The following SLX4IP variants were observed in gnomAD, a reference collection of about 807,000 sequenced individuals.
SLX4IP encodes protein SLX4IP.
A neutral mutation model predicts 32.9 loss-of-function variants in SLX4IP; 34 were observed. The ratio of observed to expected loss-of-function variants is 1.03; its 90% CI spans 0.79 to 1.38. The LOEUF (loss-of-function observed/expected upper bound fraction) is 1.38. SLX4IP is among the 40% of genes most tolerant of loss of function. The pLI is 0.00. For missense variants in SLX4IP, 444 were observed against 479.0 expected (o/e 0.93, Z 0.68); for synonymous variants, 172 against 171.7 (o/e 1.00, Z -0.01).
At chr20:10,601,930 A>G (rs193118823) in intron 6 of SLX4IP, 111 bp downstream of exon 6, 5 of 885,254 alleles carry the variant, frequency 5.6e-6, no homozygotes, top group East Asian at 2.7e-5. Flanking sequence ...TGAGCACCCA[A>G]CGCATGTTTT....
chr20:10,487,182 C>T (rs1248200275), intron 2 of SLX4IP, among the ~76,000 whole-genome samples: 1 of 152,152 alleles, frequency 6.6e-6, no homozygotes, highest in Non-Finnish European at 1.5e-5. Flanking sequence ...TCTAGTCCTG[C>T]TCAGCTCTTA....
chr20:10,440,060 A>G (rs1351326435), intron 1 of SLX4IP, among the ~76,000 whole-genome samples: 1 of 152,098 alleles, frequency 6.6e-6, no homozygotes, highest in Non-Finnish European at 1.5e-5. Flanking sequence ...TATATAGAAT[A>G]TGGCTATTAC....
chr20:10,617,670 T>TC (rs35734332), intron 6 of SLX4IP, among the ~76,000 whole-genome samples: 106 of 149,648 alleles, frequency 7.1e-4, no homozygotes, highest in African/African-American at 2.5e-3. Context: ...TTTTTTTTTT[T>TC]CAAAGCATTA....
intron 2 of SLX4IP, among the ~76,000 whole-genome samples, chr20:10,515,078 G>GTTTTTTTTT (rs1568718042): frequency 8.8e-6 from 1 of 113,472 alleles, no homozygotes; most frequent in Non-Finnish European, 1.9e-5. Context: ...GTAAGTTGAA[G>GTTTTTTTTT]CTTTTTTTTT....
intron 5 of SLX4IP, among the ~76,000 whole-genome samples, chr20:10,600,052 AG>A (rs966346953): frequency 7.9e-5 from 12 of 151,362 alleles, no homozygotes; most frequent in Admixed American, 2.0e-4. Flanking sequence ...TGATTTTTTT[AG>A]GGGGGGGAGG....
chr20:10,525,480 T>C (rs948373367), intron 2 of SLX4IP, among the ~76,000 whole-genome samples: 6 of 152,218 alleles, frequency 3.9e-5, no homozygotes, highest in East Asian at 1.9e-4. Context: ...GTTTATATTA[T>C]TATAATTATA....
chr20:10,447,931 C>A (rs1164235365), intron 1 of SLX4IP, among the ~76,000 whole-genome samples: 2 of 149,590 alleles, frequency 1.3e-5, no homozygotes, highest in African/African-American at 2.5e-5. Flanking sequence ...TCTCGAACTC[C>A]TGGGCTCAAG....
intron 2 of SLX4IP, among the ~76,000 whole-genome samples, chr20:10,467,535 G>T (rs903504208): frequency 3.9e-5 from 6 of 152,122 alleles, no homozygotes; most frequent in Non-Finnish European, 8.8e-5. Flanking sequence ...TGTATTCCTT[G>T]TAAGAGCTTT....
chr20:10,505,269 T>C (rs6032890), intron 2 of SLX4IP, among the ~76,000 whole-genome samples: 119 of 152,338 alleles, frequency 7.8e-4, no homozygotes, highest in African/African-American at 2.8e-3. Flanking sequence ...TCTGGGAATG[T>C]GTGCATGTCT....
chr20:10,599,396 G>A (rs879795134), intron 5 of SLX4IP, among the ~76,000 whole-genome samples: 1 of 152,084 alleles, frequency 6.6e-6, no homozygotes, highest in Admixed American at 6.5e-5. Context: ...TTTCTTAACT[G>A]TAAACTCTGC....
intron 2 of SLX4IP, among the ~76,000 whole-genome samples, chr20:10,474,828 G>C (rs1008621194): frequency 6.6e-6 from 1 of 152,212 alleles, no homozygotes; most frequent in African/African-American, 2.4e-5. Flanking sequence ...TTTGGCCACT[G>C]ATCTCTGTAT....
intron 1 of SLX4IP, among the ~76,000 whole-genome samples, chr20:10,452,671 AAAAAAAAAAAT>A (rs1414389381): frequency 1.2e-5 from 1 of 86,582 alleles, no homozygotes; most frequent in African/African-American, 4.3e-5. Context: ...TCTCAAAAAA[AAAAAAAAAAAT>A]ATATATATAT....
At chr20:10,606,806 C>G (rs184074144) in intron 6 of SLX4IP, among the ~76,000 whole-genome samples, 1 of 151,958 alleles carries the variant, frequency 6.6e-6, no homozygotes, top group Non-Finnish European at 1.5e-5. Context: ...TTAACTAGGA[C>G]CCTATTTGTC....
intron 2 of SLX4IP, among the ~76,000 whole-genome samples, chr20:10,500,403 A>C (rs2065707761): frequency 6.6e-6 from 1 of 152,068 alleles, no homozygotes; most frequent in Admixed American, 6.6e-5. Flanking sequence ...TGCTTGGATT[A>C]CAGGCATGAG....
At chr20:10,618,697 A>T (rs1336665719) in intron 6 of SLX4IP, among the ~76,000 whole-genome samples, 2 of 152,186 alleles carry the variant, frequency 1.3e-5, no homozygotes, top group East Asian at 3.9e-4. Context: ...ACATGATGGG[A>T]TCATTATTCA....
chr20:10,569,250 A>C (rs924921039), intron 4 of SLX4IP, among the ~76,000 whole-genome samples: 3 of 148,822 alleles, frequency 2.0e-5, no homozygotes, highest in Non-Finnish European at 4.4e-5. Flanking sequence ...CAATGGCACG[A>C]TCTCAGCTCA....
intron 4 of SLX4IP, among the ~76,000 whole-genome samples, chr20:10,590,416 A>G (rs1387468027): frequency 6.6e-6 from 1 of 151,988 alleles, no homozygotes; most frequent in East Asian, 1.9e-4. Context: ...GCTGGAGTGC[A>G]GTGGCGCGAT....
intron 4 of SLX4IP, among the ~76,000 whole-genome samples, chr20:10,584,384 A>G (rs2066621234): frequency 6.6e-6 from 1 of 152,196 alleles, no homozygotes; most frequent in Non-Finnish European, 1.5e-5. Context: ...GTGTTTAAAG[A>G]ACTAGGATAA....
At chr20:10,547,734 AGG>A (rs1459006840) in intron 2 of SLX4IP, among the ~76,000 whole-genome samples, 1 of 152,172 alleles carries the variant, frequency 6.6e-6, no homozygotes, top group Non-Finnish European at 1.5e-5. Context: ...TGCAGGTGAG[AGG>A]GAGGTAATCC....
Sources: allele counts gnomAD v4.1 joint callset (sites outside exome capture counted in the v4.1 genomes callset), GRCh38; gene constraint gnomAD v4.1.1; transcripts MANE v1.5; gene names NCBI Gene and HGNC (gene_info 2026-07-23, HGNC 2026-07-21).